HOXD13: variants seen among roughly 807,000 people sequenced by gnomAD.
HOXD13 encodes the protein homeobox protein Hox-D13.
Under a neutral mutation model 27.3 loss-of-function variants are expected in HOXD13, and 16 were observed. The observed-to-expected ratio is 0.59, with a 90% confidence interval of 0.40 to 0.89. The LOEUF (loss-of-function observed/expected upper bound fraction) is 0.89, where lower values mean the gene tolerates loss of function less well. HOXD13 is among the 40% of genes least tolerant of loss of function. The pLI is 0.00. For synonymous variants in HOXD13, 241 were observed against 219.0 expected, an observed-to-expected ratio of 1.10 and a Z score of -0.89; for missense variants, 481 against 482.6, an observed-to-expected ratio of 1.00 and a Z score of 0.03.
intron 1 of HOXD13, among the ~76,000 whole-genome samples, chr2:176,093,904 G>GT (rs1336299899): frequency 6.6e-6 from 1 of 152,154 alleles, no homozygotes; most frequent in Non-Finnish European, 1.5e-5. Flanking sequence ...GCGCAGACAC[G>GT]TTTTTCTCCT....
Position 176,093,613 on chromosome 2 carries a change from G to A in HOXD13, c.723G>A (p.Gln241=), listed in dbSNP as rs764371902. Residue 241 remains glutamine (Q), a synonymous_variant, in exon 1 of 2, where the codon CAG becomes CAA. Coordinates refer to ENST00000392539, the MANE Select transcript of HOXD13 (RefSeq NM_000523.4). ...SWTLANGWNS[Q]VYCTKDQPQG... ...CGCTGGCTAACGGGTGGAACAGCCA[G>A]GTGTACTGCACCAAGGACCAGCCAC... is the stretch of plus-strand genomic sequence containing the variant. 5 of 1,613,430 alleles carry A rather than the reference G, an allele frequency of 3.1e-6. No individual in the cohort carries two copies. The Admixed American group carries it at 6.7e-5, about 22-fold the overall frequency.
At chr2:176,091,048 C>G (rs1373740596), upstream of HOXD13, among the ~76,000 whole-genome samples, 2 of 152,322 alleles carry the variant, frequency 1.3e-5, no homozygotes, top group South Asian at 2.1e-4. Context: ...AACGATGAAA[C>G]GAATTCTCTT....
At position 176,092,834 on chromosome 2, in the gene HOXD13, C is replaced by T; in HGVS notation, c.-57C>T. ...AGGAGAGGAGGGAGGAGGCGCGCCG[C>T]GCCATGGTGTCCTGCGCGGGGCCAG... is the stretch of plus-strand genomic sequence containing the variant. On this transcript the variant is annotated 5_prime_UTR_variant, in exon 1 of 2. Transcript: ENST00000392539. 9.1e-7 allele frequency: 1 copy of T among 1,104,696 alleles called. No homozygotes were observed. 68.4% of individuals were successfully genotyped at this position (1,104,696 alleles called of 1,614,324 possible).
At chr2:176,092,689 G>C (rs965718522), upstream of HOXD13, among the ~76,000 whole-genome samples, 1 of 152,126 alleles carries the variant, frequency 6.6e-6, no homozygotes, top group Admixed American at 6.5e-5. Flanking sequence ...CCTGAACTTC[G>C]TTTTTATAAA....
chr2:176,094,505 C>G lies in HOXD13; in HGVS notation c.807C>G (p.Asp269Glu). ...GGGATGTGGCTCTAAATCAGCCGGA[C>G]ATGTGCGTCTACCGAAGAGGGAGGA... Reference protein sequence around the residue: ...FPGDVALNQPDMCVYRRGRKK... With the variant: ...FPGDVALNQPEMCVYRRGRKK... The change falls in exon 2 of 2, where the codon GAC (aspartate) becomes GAG (glutamate). Residue 269 changes from aspartate to glutamate, a missense_variant. Physicochemically the swap from Asp to Glu is conservative, Grantham distance 45 (BLOSUM62 2). Transcript: ENST00000392539. 6.2e-7 allele frequency: 1 copy of G among 1,614,104 alleles called. No homozygotes were observed. Among genetic ancestry groups the G allele is most frequent in the Non-Finnish European group, 8.5e-7 (1 of 1,180,004 alleles).
upstream of HOXD13, among the ~76,000 whole-genome samples, chr2:176,088,015 A>C (rs2105375393): frequency 6.6e-6 from 1 of 152,378 alleles, no homozygotes; most frequent in Non-Finnish European, 1.5e-5. Flanking sequence ...GCTGCAGCGA[A>C]GCCCCGCGTC....
Position 176,093,171 on chromosome 2 carries a change from T to C in HOXD13, c.281T>C (p.Val94Ala), listed in dbSNP as rs1689352593. 1.2e-6 allele frequency: 2 copies of C among 1,608,310 alleles called. No homozygotes were observed. The highest frequency in any genetic ancestry group is 1.7e-6 in the Non-Finnish European group (2 of 1,179,474). Residue 94 changes from valine to alanine, a missense_variant, in exon 1 of 2, where the codon GTT becomes GCT. Transcript: ENST00000392539. ...TCCTCGTCGTCGTCCTCTTCTGCCG[T>C]TGTAGCGGCGCGCCCGGAGGCTCCC... is the stretch of plus-strand genomic sequence containing the variant. ...GSSSSSSSSA[V>A]VAARPEAPPA...
rs954803082 is a variant in HOXD13, at chr2:176,095,530, G to A, written c.*800G>A. 1 of 229,154 alleles carries A rather than the reference G, an allele frequency of 4.4e-6. No homozygotes were observed. The highest frequency in any genetic ancestry group is 8.7e-6 in the Non-Finnish European group (1 of 115,426). 14.2% of individuals were successfully genotyped at this position (229,154 alleles called of 1,614,324 possible). A position where few individuals can be genotyped will look rare whatever the true frequency, so the allele number is the denominator to read the frequency against. On this transcript the variant is annotated 3_prime_UTR_variant, in exon 2 of 2. Coordinates refer to ENST00000392539, the MANE Select transcript of HOXD13 (RefSeq NM_000523.4). ...GGCTGCAATCAGTAGAGTGACCCGC[G>A]GATGGCATAAATGCACCTCCTTTTC...
rs1480246716 is a variant in HOXD13 at position 176,093,193 on chromosome 2, TC to T, written c.308del (p.Pro103GlnfsTer163). 6.2e-7 allele frequency: 1 copy of T among 1,607,542 alleles called. No individual in the cohort carries two copies. ...CCGTTGTAGCGGCGCGCCCGGAGGC[TC>T]CCCCAGCCAAAGAGTGCCCAGCACC... ...SAVVAARPEA[P>X]PAKECPAPTP... On this transcript the variant is annotated frameshift_variant, in exon 1 of 2. Transcript: ENST00000392539. LOFTEE classifies it high-confidence loss of function.
rs776131391 is a variant in HOXD13 at position 176,093,601 on chromosome 2, G to T, written c.711G>T (p.Gly237=). The T allele has an allele frequency of 6.2e-7, 1 of 1,613,722 alleles. No individual in the cohort carries two copies. Among genetic ancestry groups the T allele is most frequent in the Non-Finnish European group, 8.5e-7 (1 of 1,179,966 alleles). The change falls in exon 1 of 2, where the codon GGG becomes GGT. Residue 237 remains glycine (G), a synonymous_variant. Transcript: ENST00000392539. ...ACCAGTCCTGGACGCTGGCTAACGG[G>T]TGGAACAGCCAGGTGTACTGCACCA... ...EGYQSWTLAN[G]WNSQVYCTKD... is the part of the protein sequence containing the mutation.
At position 176,095,111 on chromosome 2, in the gene HOXD13, A is replaced by T. The variant is rs896685304; in HGVS notation, c.*381A>T. 2.8e-6 allele frequency: 1 copy of T among 356,900 alleles called. No individual in the cohort carries two copies. Among genetic ancestry groups the T allele is most frequent in the African/African-American group, 2.1e-5 (1 of 48,114 alleles). 22.1% of individuals were successfully genotyped at this position (356,900 alleles called of 1,614,324 possible). On this transcript the variant is annotated 3_prime_UTR_variant, in exon 2 of 2. Transcript: ENST00000392539. ...TTTTAAAAAATTACTTTATTTGTTC[A>T]TTCCCAGCACTGATTATCTTCATAA...
intron 1 of HOXD13, among the ~76,000 whole-genome samples, chr2:176,093,964 C>T (rs1238818524): frequency 1.3e-5 from 2 of 152,152 alleles, no homozygotes; most frequent in African/African-American, 2.4e-5. Context: ...CCCTTTTCTC[C>T]TAAAGAGAAC....
At position 176,093,515 on chromosome 2, in the gene HOXD13, A is replaced by C. The variant is rs749474029; in HGVS notation, c.625A>C (p.Met209Leu). The C allele has an allele frequency of 1.9e-6, 3 of 1,614,030 alleles. No homozygotes were observed. Among genetic ancestry groups the C allele is most frequent in the Non-Finnish European group, 2.5e-6 (3 of 1,180,032 alleles). Residue 209 changes from methionine (M) to leucine (L), a missense_variant, in exon 1 of 2, where the codon ATG (methionine) becomes CTG (leucine). By Grantham distance (15) the Met-to-Leu change is conservative. Transcript: ENST00000392539. The stretch of plus-strand genomic sequence containing the variant: ...CCAGCACGTGCCCGGCTATATCGAC[A>C]TGGTGTCCACTTTCGGCTCCGGGGA... ...PYQHVPGYID[M>L]VSTFGSGEPR... is the part of the protein sequence containing the mutation.
Position 176,094,754 on chromosome 2 carries a change from A to C in HOXD13, c.*24A>C. The C allele has an allele frequency of 1.9e-6, 3 of 1,610,574 alleles. No homozygotes were observed. The highest frequency in any genetic ancestry group is 2.5e-6 in the Non-Finnish European group (3 of 1,176,816). On this transcript the variant is annotated 3_prime_UTR_variant, in exon 2 of 2. Transcript: ENST00000392539. Reference sequence around the variant, plus strand: ...GATGTGGTCCAGGTTGGCCACAGACAGCTTAGAAGCCATTCGGTTGTCTCC... The same window carrying C: ...GATGTGGTCCAGGTTGGCCACAGACCGCTTAGAAGCCATTCGGTTGTCTCC...
upstream of HOXD13, among the ~76,000 whole-genome samples, chr2:176,088,806 G>C (rs914822048): frequency 2.0e-5 from 3 of 152,132 alleles, no homozygotes; most frequent in Admixed American, 2.0e-4. Flanking sequence ...CAGCAAATTA[G>C]GGTCCCAGCT....
upstream of HOXD13, among the ~76,000 whole-genome samples, chr2:176,087,978 G>A (rs919006694): frequency 4.6e-5 from 7 of 152,270 alleles, no homozygotes; most frequent in South Asian, 2.1e-4. Context: ...CGGGCTGCCC[G>A]AGGGGAGGGG....
upstream of HOXD13, among the ~76,000 whole-genome samples, chr2:176,092,291 C>T (rs565209814): frequency 1.3e-5 from 2 of 152,352 alleles, no homozygotes; most frequent in East Asian, 3.9e-4. Context: ...TCATTCTGAT[C>T]ATCTCTGTCC....
chr2:176,094,802 A>G lies in HOXD13; in HGVS notation c.*72A>G. 1 of 1,370,560 alleles carries G rather than the reference A, an allele frequency of 7.3e-7. No individual in the cohort carries two copies. The highest frequency in any genetic ancestry group is 1.8e-4 in the Middle Eastern group (1 of 5,588). 84.9% of individuals were successfully genotyped at this position (1,370,560 alleles called of 1,614,324 possible). A position where few individuals can be genotyped will look rare whatever the true frequency, so the allele number is the denominator to read the frequency against. ...TCCAAAAGGCCTTTGGAAAGACTTGAATATGTATTTAATTCCCCCCACCCC... is the reference window on the plus strand; with the variant it reads ...TCCAAAAGGCCTTTGGAAAGACTTGGATATGTATTTAATTCCCCCCACCCC... On this transcript the variant is annotated 3_prime_UTR_variant, in exon 2 of 2. Transcript: ENST00000392539.
Position 176,093,208 on chromosome 2 carries a change from G to A in HOXD13, c.318G>A (p.Glu106=). Residue 106 remains glutamate, a synonymous_variant, in exon 1 of 2, where the codon GAG becomes GAA. Transcript: ENST00000392539. ...AARPEAPPAK[E]CPAPTPAAAA... ...GCCCGGAGGCTCCCCCAGCCAAAGAGTGCCCAGCACCCACGCCTGCAGCGG... is the reference window on the plus strand; with the variant it reads ...GCCCGGAGGCTCCCCCAGCCAAAGAATGCCCAGCACCCACGCCTGCAGCGG... 6.2e-7 allele frequency: 1 copy of A among 1,609,798 alleles called. No homozygotes were observed. The highest frequency in any genetic ancestry group is 8.5e-7 in the Non-Finnish European group (1 of 1,179,600).
Sources: gnomAD v4.1 joint callset for allele counts (sites outside exome capture counted in the v4.1 genomes callset) on GRCh38, gnomAD v4.1.1 for gene constraint, MANE v1.5 for transcripts, NCBI Gene and HGNC (gene_info 2026-07-23, HGNC 2026-07-21) for gene names.